PROS1: variants seen among roughly 807,000 people sequenced by gnomAD.
PROS1 encodes the protein protein S, also known as vitamin K-dependent protein S.
In PROS1, 29 loss-of-function variants were observed where a neutral mutation model predicts 75.9. That is an observed-to-expected ratio of 0.38 (90% CI 0.28 to 0.52). PROS1 has a LOEUF of 0.52. Among genes scored for constraint, PROS1 ranks in the 20% least tolerant of loss-of-function variants. The probability of loss-of-function intolerance (pLI) is 0.83; values close to 1 mark genes in which losing one functional copy is unlikely to be tolerated. For missense variants in PROS1, 680 were observed against 810.3 expected (o/e 0.84, Z 1.95); for synonymous variants, 245 against 280.6 (o/e 0.87, Z 1.27).
chr3:93,965,294 C>T (rs752062679), intron 1 of PROS1, among the ~76,000 whole-genome samples: 2 of 152,200 alleles, frequency 1.3e-5, no homozygotes, highest in Non-Finnish European at 2.9e-5. Flanking sequence ...TGTTTGCCGC[C>T]GTCGCAGACC....
intron 1 of PROS1, among the ~76,000 whole-genome samples, chr3:93,960,175 A>AC (rs1420108376): frequency 6.8e-6 from 1 of 146,314 alleles, no homozygotes; most frequent in Non-Finnish European, 1.5e-5. Flanking sequence ...TGCGTTTGTC[A>AC]CTTTTTTTTT....
intron 1 of PROS1, among the ~76,000 whole-genome samples, chr3:93,931,435 A>G (rs1324875529): frequency 1.3e-5 from 2 of 152,240 alleles, no homozygotes; most frequent in African/African-American, 4.8e-5. Context: ...AGTAATTAAC[A>G]TATGATGTAC....
intron 2 of PROS1, 41 bp downstream of exon 2, chr3:93,927,209 T>C (rs756272928): frequency 3.1e-6 from 5 of 1,610,410 alleles, no homozygotes; most frequent in Non-Finnish European, 4.2e-6. Flanking sequence ...TGTAGTTGTA[T>C]GTCTAGATGT....
At chr3:93,875,747 T>C (rs1024698291) in intron 14 of PROS1, among the ~76,000 whole-genome samples, 7 of 152,010 alleles carry the variant, frequency 4.6e-5, no homozygotes, top group African/African-American at 9.7e-5. Flanking sequence ...AAACCCCAGA[T>C]ACAATTTCCA....
intron 3 of PROS1, among the ~76,000 whole-genome samples, chr3:93,921,377 T>G (rs1364830510): frequency 6.6e-6 from 1 of 152,238 alleles, no homozygotes; most frequent in Non-Finnish European, 1.5e-5. Context: ...TGTCTTTATT[T>G]GATTTTGGAG....
At chr3:93,965,364 G>C (rs1709772028) in intron 1 of PROS1, among the ~76,000 whole-genome samples, 1 of 152,180 alleles carries the variant, frequency 6.6e-6, no homozygotes, top group African/African-American at 2.4e-5. Context: ...CTGATCCAGC[G>C]AGGCGCCCAT....
intron 1 of PROS1, among the ~76,000 whole-genome samples, chr3:93,965,740 G>C (rs1056904023): frequency 3.9e-5 from 6 of 152,058 alleles, no homozygotes; most frequent in Non-Finnish European, 7.4e-5. Flanking sequence ...TGTCACCAAG[G>C]CTGGAGTGCA....
At chr3:93,948,402 G>A (rs1709439456) in intron 1 of PROS1, among the ~76,000 whole-genome samples, 1 of 152,170 alleles carries the variant, frequency 6.6e-6, no homozygotes, top group African/African-American at 2.4e-5. Flanking sequence ...GGGGTGGAGA[G>A]TTCTGTAGAT....
At position 93,972,539 on chromosome 3, in the gene PROS1, G is replaced by A. The variant is rs368144179; in HGVS notation, c.76+1135C>T. Among the ~76,000 whole-genome samples, 40 of 152,194 alleles carry A rather than the reference G, an allele frequency of 2.6e-4. No individual in the cohort carries two copies. In the East Asian group the frequency reaches 3.5e-3, roughly 13 times the overall value. On this transcript the variant is annotated intron_variant, in intron 1 of 14. Coordinates refer to ENST00000394236, the MANE Select transcript of PROS1 (RefSeq NM_000313.4). ...TTCCAATCCCTGAAAATAAAACATA[G>A]AACAAGAAGTCATTTTTGGCCAGGT... is the stretch of plus-strand genomic sequence containing the variant.
intron 1 of PROS1, among the ~76,000 whole-genome samples, chr3:93,957,627 G>A (rs554089081): frequency 2.1e-4 from 32 of 152,172 alleles, no homozygotes; most frequent in African/African-American, 7.0e-4. Flanking sequence ...CGATTTGATC[G>A]TTTCACAATG....
At chr3:93,886,651 T>C in intron 10 of PROS1, 148 bp from the exon 11 acceptor site, 1 of 700,862 alleles carries the variant, frequency 1.4e-6, no homozygotes, top group Non-Finnish European at 2.3e-6. Flanking sequence ...TACAACTCAT[T>C]TGGAATGTCA....
chr3:93,963,507 C>T (rs1338119132), intron 1 of PROS1, among the ~76,000 whole-genome samples: 1 of 152,156 alleles, frequency 6.6e-6, no homozygotes, highest in Non-Finnish European at 1.5e-5. Flanking sequence ...AATCTGTCTG[C>T]ATCACTACAA....
chr3:93,874,081 C>A lies in PROS1; in HGVS notation c.*164G>T. ...AGAATTTCTTTACTGTGATTTATAT[C>A]ACAACAGAATTTTTTTCCTTGACAA... On this transcript the variant is annotated 3_prime_UTR_variant, in exon 15 of 15. Transcript: ENST00000394236. 1 of 790,070 alleles carries A rather than the reference C, an allele frequency of 1.3e-6. No homozygotes were observed. The highest frequency in any genetic ancestry group is 1.7e-5 in the African/African-American group (1 of 57,508). The allele number at this position is 790,070 out of a possible 1,614,324, so 48.9% of individuals were successfully genotyped here. A position where few individuals can be genotyped will look rare whatever the true frequency, so the allele number is the denominator to read the frequency against.
intron 13 of PROS1, among the ~76,000 whole-genome samples, chr3:93,878,063 A>G (rs530463879): frequency 5.3e-5 from 8 of 152,348 alleles, no homozygotes; most frequent in African/African-American, 1.9e-4. Context: ...TATTGCATAG[A>G]CCTTGAGAAG....
rs569830593 is a variant in PROS1, at chr3:93,973,607, C to T, written c.76+67G>A. On this transcript the variant is annotated intron_variant, in intron 1 of 14. Coordinates refer to ENST00000394236, the MANE Select transcript of PROS1 (RefSeq NM_000313.4). ...TGCAGCTCTAGAGAAGAAAATCCTA[C>T]CAACCAGGGCACGCAGTTCAGTCGA... The T allele has an allele frequency of 4.3e-5, 67 of 1,541,758 alleles. No individual in the cohort carries two copies. In the South Asian group the frequency reaches 7.2e-4, roughly 17 times the overall value.
At chr3:93,964,548 C>G (rs545939176) in intron 1 of PROS1, among the ~76,000 whole-genome samples, 1 of 152,088 alleles carries the variant, frequency 6.6e-6, no homozygotes. Context: ...TCTCTGCTCT[C>G]GAACCCTATT....
chr3:93,926,154 GA>G lies in PROS1; in HGVS notation c.234+1095del, dbSNP rs151115022. ...TTCCAGAATAACAAAACAAAAATTAGAATGGATGGGGAAAAAAATAGGTAAA... is the reference window on the plus strand; with the variant it reads ...TTCCAGAATAACAAAACAAAAATTAGATGGATGGGGAAAAAAATAGGTAAA... On this transcript the variant is annotated intron_variant, in intron 2 of 14. Coordinates refer to ENST00000394236, the MANE Select transcript of PROS1 (RefSeq NM_000313.4). 2.0e-5 allele frequency among the ~76,000 whole-genome samples: 3 copies of G among 152,206 alleles called. No homozygotes were observed. The East Asian group carries it at 5.8e-4, about 29-fold the overall frequency.
At chr3:93,972,026 C>A (rs796307820) in intron 1 of PROS1, among the ~76,000 whole-genome samples, 14 of 152,164 alleles carry the variant, frequency 9.2e-5, no homozygotes, top group African/African-American at 3.4e-4. Flanking sequence ...AAGTGTAATT[C>A]CCCATATGTT....
At chr3:93,902,597 T>C (rs1413666185) in intron 6 of PROS1, among the ~76,000 whole-genome samples, 1 of 151,462 alleles carries the variant, frequency 6.6e-6, no homozygotes, top group Non-Finnish European at 1.5e-5. Flanking sequence ...TACCAAAAAA[T>C]ACAAAATTGG....
Sources: allele counts gnomAD v4.1 joint callset (sites outside exome capture counted in the v4.1 genomes callset), GRCh38; gene constraint gnomAD v4.1.1; transcripts MANE v1.5; gene names NCBI Gene and HGNC (gene_info 2026-07-23, HGNC 2026-07-21).